The following MIPOL1 variants were observed in gnomAD, a reference collection of about 807,000 sequenced individuals.
MIPOL1 encodes the protein mirror-image polydactyly gene 1 protein.
Under a neutral mutation model 60.9 loss-of-function variants are expected in MIPOL1, and 57 were observed. The observed-to-expected ratio is 0.94, with a 90% CI of 0.76 to 1.17. The LOEUF (loss-of-function observed/expected upper bound fraction) is 1.17, where lower values mean the gene tolerates loss of function less well. Ranked by LOEUF, MIPOL1 falls within the 50% of genes most tolerant of loss-of-function variation. The pLI is 0.00. For missense variants in MIPOL1, 551 were observed against 511.6 expected, an observed-to-expected ratio of 1.08 and a Z score of -0.74; for synonymous variants, 179 against 168.8, an observed-to-expected ratio of 1.06 and a Z score of -0.47.
intron 10 of MIPOL1, among the ~76,000 whole-genome samples, chr14:37,407,297 G>T (rs2093603900): frequency 6.6e-6 from 1 of 152,060 alleles, no homozygotes; most frequent in African/African-American, 2.4e-5. Flanking sequence ...TCTAATTCTG[G>T]TTCTGCCACT....
At chr14:37,243,156 C>T (rs1972621515) in intron 1 of MIPOL1, among the ~76,000 whole-genome samples, 1 of 152,088 alleles carries the variant, frequency 6.6e-6, no homozygotes, top group Non-Finnish European at 1.5e-5. Context: ...ACTGTGGGGT[C>T]AAATAATTTA....
chr14:37,378,077 T>C (rs959983974), intron 10 of MIPOL1, among the ~76,000 whole-genome samples: 10 of 152,274 alleles, frequency 6.6e-5, no homozygotes, highest in African/African-American at 1.4e-4. Flanking sequence ...ATTGAATCTT[T>C]CATACATTGC....
At chr14:37,206,251 C>T (rs549929235) in intron 1 of MIPOL1, among the ~76,000 whole-genome samples, 9 of 152,304 alleles carry the variant, frequency 5.9e-5, no homozygotes, top group South Asian at 4.2e-4. Context: ...GTCCCAGACA[C>T]GCCAGCCTTG....
At chr14:37,535,687 A>G (rs916078851) in intron 12 of MIPOL1, among the ~76,000 whole-genome samples, 1 of 152,212 alleles carries the variant, frequency 6.6e-6, no homozygotes, top group African/African-American at 2.4e-5. Context: ...ATATATCTAC[A>G]GTAGAAACAC....
chr14:37,401,443 T>G (rs2093479682), intron 10 of MIPOL1: 1 of 152,092 alleles, frequency 6.6e-6, no homozygotes, highest in South Asian at 2.1e-4. Flanking sequence ...ATGTTATACC[T>G]TTATAACATT....
intron 3 of MIPOL1, among the ~76,000 whole-genome samples, chr14:37,262,615 A>G (rs1365910127): frequency 6.6e-6 from 1 of 152,212 alleles, no homozygotes; most frequent in Admixed American, 6.5e-5. Flanking sequence ...GAGCACATTA[A>G]CAAACTGCCT....
intron 1 of MIPOL1, among the ~76,000 whole-genome samples, chr14:37,219,281 G>A (rs1486638550): frequency 6.6e-6 from 1 of 152,232 alleles, no homozygotes; most frequent in Non-Finnish European, 1.5e-5. Flanking sequence ...GACAGACACA[G>A]AAACCCAAAA....
chr14:37,421,204 T>G (rs994661249), intron 10 of MIPOL1, among the ~76,000 whole-genome samples: 4 of 152,152 alleles, frequency 2.6e-5, no homozygotes, highest in African/African-American at 9.7e-5. Flanking sequence ...CAAGAATTTT[T>G]GTTTTGTTGG....
intron 11 of MIPOL1, among the ~76,000 whole-genome samples, chr14:37,429,042 C>G (rs1327613410): frequency 6.6e-6 from 1 of 152,164 alleles, no homozygotes; most frequent in East Asian, 1.9e-4. Context: ...ATTGCTATAG[C>G]AAATGCTAAA....
chr14:37,410,051 A>T (rs1350728327), intron 10 of MIPOL1, among the ~76,000 whole-genome samples: 1 of 152,184 alleles, frequency 6.6e-6, no homozygotes, highest in Non-Finnish European at 1.5e-5. Context: ...AAACCCAATC[A>T]CACCATAATC....
intron 9 of MIPOL1, among the ~76,000 whole-genome samples, chr14:37,340,481 C>A (rs781068278): frequency 3.9e-5 from 6 of 152,042 alleles, no homozygotes; most frequent in Non-Finnish European, 7.4e-5. Flanking sequence ...GAGGCCAAGT[C>A]GGACGATCCC....
At chr14:37,464,585 G>A (rs1039929999) in intron 11 of MIPOL1, among the ~76,000 whole-genome samples, 3 of 152,092 alleles carry the variant, frequency 2.0e-5, no homozygotes, top group African/African-American at 7.2e-5. Flanking sequence ...ATTCCAAAGT[G>A]GGGTAGGAGG....
intron 3 of MIPOL1, among the ~76,000 whole-genome samples, chr14:37,252,751 C>T (rs1345093144): frequency 6.6e-6 from 1 of 151,832 alleles, no homozygotes; most frequent in Non-Finnish European, 1.5e-5. Flanking sequence ...AAAACTATTC[C>T]ATGATTTGCA....
intron 9 of MIPOL1, among the ~76,000 whole-genome samples, chr14:37,331,830 G>A (rs2089715366): frequency 6.6e-6 from 1 of 152,124 alleles, no homozygotes; most frequent in Non-Finnish European, 1.5e-5. Flanking sequence ...GAAAGTGAGT[G>A]TCCTTGTCTT....
intron 11 of MIPOL1, among the ~76,000 whole-genome samples, chr14:37,486,632 T>C (rs2094950642): frequency 6.6e-6 from 1 of 152,210 alleles, no homozygotes; most frequent in South Asian, 2.1e-4. Flanking sequence ...TCTGTTTGTC[T>C]GTTATTGGTG....
chr14:37,396,111 T>C (rs1235722358), intron 10 of MIPOL1, among the ~76,000 whole-genome samples: 1 of 152,172 alleles, frequency 6.6e-6, no homozygotes, highest in Non-Finnish European at 1.5e-5. Flanking sequence ...AATGAGGTTC[T>C]GTTTTGATGT....
intron 11 of MIPOL1, among the ~76,000 whole-genome samples, chr14:37,452,105 G>A (rs1054380556): frequency 2.6e-5 from 4 of 151,910 alleles, no homozygotes; most frequent in Non-Finnish European, 5.9e-5. Flanking sequence ...GTGAGCCACC[G>A]CGCCCGGCCT....
chr14:37,207,500 T>C (rs1966273072), intron 1 of MIPOL1, among the ~76,000 whole-genome samples: 1 of 151,912 alleles, frequency 6.6e-6, no homozygotes, highest in Non-Finnish European at 1.5e-5. Flanking sequence ...AGCTTTAATC[T>C]GTTTTTATCA....
intron 1 of MIPOL1, among the ~76,000 whole-genome samples, chr14:37,217,000 G>A (rs575387395): frequency 1.3e-5 from 2 of 152,030 alleles, no homozygotes; most frequent in South Asian, 2.1e-4. Context: ...TTTTTGAAAA[G>A]TTAAACAAAG....
Sources: allele counts gnomAD v4.1 joint callset (sites outside exome capture counted in the v4.1 genomes callset), GRCh38; gene constraint gnomAD v4.1.1; transcripts MANE v1.5; gene names NCBI Gene and HGNC (gene_info 2026-07-23, HGNC 2026-07-21).